Variants in NUP58 observed in about 807,000 individuals in gnomAD.
NUP58 encodes nucleoporin 58, also known as nucleoporin p58/p45.
A neutral mutation model predicts 70.1 loss-of-function variants in NUP58; 17 were observed. The ratio of observed to expected loss-of-function variants is 0.24; its 90% CI spans 0.17 to 0.36. NUP58 has a LOEUF of 0.36. NUP58 is among the 10% of genes least tolerant of loss of function. The pLI is 1.00. For missense variants in NUP58, 644 were observed against 701.5 expected, an observed-to-expected ratio of 0.92 and a Z score of 0.93; for synonymous variants, 275 against 257.6, an observed-to-expected ratio of 1.07 and a Z score of -0.65.
intron 6 of NUP58, among the ~76,000 whole-genome samples, chr13:25,316,379 C>T (rs1311969562): frequency 2.0e-5 from 3 of 151,964 alleles, no homozygotes; most frequent in Non-Finnish European, 2.9e-5. Flanking sequence ...TATATATATA[C>T]ATATTGAACT....
intron 5 of NUP58, among the ~76,000 whole-genome samples, chr13:25,314,051 C>A (rs1262950831): frequency 6.6e-6 from 1 of 152,144 alleles, no homozygotes; most frequent in African/African-American, 2.4e-5. Context: ...CTGCCTCAGC[C>A]TCCTGAGTAG....
chr13:25,336,227 A>G, intron 13 of NUP58: 1 of 1,367,224 alleles, frequency 7.3e-7, no homozygotes, highest in Non-Finnish European at 9.8e-7. Context: ...TAAGTGGTGT[A>G]ATGTAGCAGA....
chr13:25,323,437 G>GA (rs943596655), intron 9 of NUP58, among the ~76,000 whole-genome samples: 6 of 148,964 alleles, frequency 4.0e-5, no homozygotes, highest in Middle Eastern at 3.4e-3. Context: ...AAGAAAAAGA[G>GA]AAAAAAAAAT....
intron 6 of NUP58, among the ~76,000 whole-genome samples, chr13:25,319,090 C>T (rs1288938940): frequency 6.6e-6 from 1 of 151,864 alleles, no homozygotes; most frequent in Non-Finnish European, 1.5e-5. Context: ...AAATTCTTGC[C>T]CTTGAAAGTA....
In NUP58 at chr13:25,342,306, T is replaced by A. The variant is rs1363641015; in HGVS notation, c.*2172T>A. The A allele has an allele frequency of 6.5e-6, 1 of 152,746 alleles. No individual in the cohort carries two copies. The highest frequency in any genetic ancestry group is 1.9e-4 in the East Asian group (1 of 5,192). The allele number at this position is 152,746 out of a possible 1,614,324, so 9.5% of individuals were successfully genotyped here. On this transcript the variant is annotated 3_prime_UTR_variant, in exon 16 of 16. Coordinates refer to ENST00000381736, the MANE Select transcript of NUP58 (RefSeq NM_014089.4). ...AATATGTTGAGCCACTGGAAATTTG[T>A]AACAGATTAATTTGTTATAGGAGTT... is the stretch of plus-strand genomic sequence containing the variant.
chr13:25,345,305 G>A (rs1361552946), downstream of NUP58, among the ~76,000 whole-genome samples: 2 of 152,112 alleles, frequency 1.3e-5, no homozygotes, highest in Non-Finnish European at 2.9e-5. Flanking sequence ...AAGGAATAGC[G>A]TGCTGATTTT....
At chr13:25,305,266 C>T (rs1228987000) in intron 1 of NUP58, among the ~76,000 whole-genome samples, 1 of 151,304 alleles carries the variant, frequency 6.6e-6, no homozygotes, top group Admixed American at 6.6e-5. Flanking sequence ...ACCTCAGCTT[C>T]CTGAGTAGCT....
chr13:25,334,711 C>G, intron 13 of NUP58: 1 of 979,778 alleles, frequency 1.0e-6, no homozygotes, highest in South Asian at 4.7e-5. Flanking sequence ...ATTTTTAGCA[C>G]TTTAGTCCTT....
chr13:25,340,742 AC>A lies in NUP58; in HGVS notation c.*612del, dbSNP rs1011342907. The A allele has an allele frequency of 3.3e-5, 5 of 151,964 alleles. No individual in the cohort carries two copies. Among genetic ancestry groups the A allele is most frequent in the African/African-American group, 1.2e-4 (5 of 41,308 alleles). 9.4% of individuals were successfully genotyped at this position (151,964 alleles called of 1,614,324 possible). A position where few individuals can be genotyped will look rare whatever the true frequency, so the allele number is the denominator to read the frequency against. On this transcript the variant is annotated 3_prime_UTR_variant, in exon 16 of 16. Transcript: ENST00000381736. ...TTTGAGACCAGCCTGACATGGTGAA[AC>A]CCCATCTCTACGAAAAATACAAAAA...
At chr13:25,321,188 T>C (rs2031170282) in intron 9 of NUP58, 95 bp downstream of exon 9, 1 of 1,078,192 alleles carries the variant, frequency 9.3e-7, no homozygotes, top group Non-Finnish European at 1.4e-6. Flanking sequence ...TTTTTAATTA[T>C]GAAATTTGAT....
chr13:25,347,601 A>G (rs2032065265), intron 3 of NUP58, among the ~76,000 whole-genome samples: 2 of 152,146 alleles, frequency 1.3e-5, no homozygotes, highest in African/African-American at 4.8e-5. Flanking sequence ...CCAAGGATTT[A>G]CTTTTTGGCT....
At chr13:25,335,690 A>C in intron 13 of NUP58, 1 of 984,908 alleles carries the variant, frequency 1.0e-6, no homozygotes, top group Non-Finnish European at 1.2e-6. Flanking sequence ...AGTGTAGCAA[A>C]ATGTAGTTCC....
chr13:25,343,940 G>A (rs1214396965), downstream of NUP58, among the ~76,000 whole-genome samples: 1 of 151,440 alleles, frequency 6.6e-6, no homozygotes, highest in East Asian at 1.9e-4. Flanking sequence ...GGTTGATTCT[G>A]GAAATAAATT....
downstream of NUP58, among the ~76,000 whole-genome samples, chr13:25,347,233 C>G (rs1292659104): frequency 6.6e-6 from 1 of 152,138 alleles, no homozygotes; most frequent in African/African-American, 2.4e-5. Context: ...GTTAGGGATT[C>G]TCAACCTGTA....
chr13:25,316,970 A>G (rs994900491), intron 6 of NUP58, among the ~76,000 whole-genome samples: 5 of 152,158 alleles, frequency 3.3e-5, no homozygotes, highest in Non-Finnish European at 7.4e-5. Flanking sequence ...GTGTGTTTCT[A>G]CTATGGATCT....
chr13:25,316,694 C>T (rs9507497), intron 6 of NUP58, among the ~76,000 whole-genome samples: 145,750 of 152,258 alleles, frequency 0.96, 70,098 homozygotes, highest in East Asian at 1. Flanking sequence ...GGTACCACTT[C>T]TATTACTTTT....
intron 7 of NUP58, among the ~76,000 whole-genome samples, chr13:25,320,074 T>G (rs2031116706): frequency 6.6e-6 from 1 of 152,150 alleles, no homozygotes; most frequent in African/African-American, 2.4e-5. Flanking sequence ...GTTGAAGAAC[T>G]AACTGAAGTT....
Position 25,327,032 on chromosome 13 carries a change from A to G in NUP58, c.1148A>G (p.Gln383Arg). ...TQANNSHITP[Q>R]DLSMAMQKIY... ...GCAAATAATTCACATATAACCCCTC[A>G]AGGTAACATGCTTACTGTGGTAATT... Residue 383 changes from glutamine (Q) to arginine (R), a missense_variant and splice_region_variant, in exon 11 of 16, where the codon CAA (glutamine) becomes CGA (arginine). Physicochemically the swap from Gln to Arg is conservative, Grantham distance 43. Transcript: ENST00000381736. 6.5e-7 allele frequency: 1 copy of G among 1,531,542 alleles called. No individual in the cohort carries two copies. 94.9% of individuals were successfully genotyped at this position (1,531,542 alleles called of 1,614,324 possible).
At chr13:25,320,671 C>T (rs2137772908) in intron 8 of NUP58, 76 bp downstream of exon 8, 2 of 1,086,586 alleles carry the variant, frequency 1.8e-6, no homozygotes, top group Non-Finnish European at 2.7e-6. Context: ...ATCTCTTCCT[C>T]CTAAAATCGC....
Sources: allele counts gnomAD v4.1 joint callset (sites outside exome capture counted in the v4.1 genomes callset), GRCh38; gene constraint gnomAD v4.1.1; transcripts MANE v1.5; gene names NCBI Gene and HGNC (gene_info 2026-07-23, HGNC 2026-07-21).